The following HTT variants were observed in gnomAD, a reference collection of about 807,000 sequenced individuals.
HTT encodes the protein huntington disease protein.
HTT carries 104 observed loss-of-function variants against 362.3 expected under a neutral mutation model. The ratio of observed to expected loss-of-function variants is 0.29; its 90% CI spans 0.24 to 0.34. The LOEUF (loss-of-function observed/expected upper bound fraction) is 0.34. Among genes scored for constraint, HTT ranks in the 10% least tolerant of loss-of-function variants. The pLI, the probability that HTT is intolerant of heterozygous loss-of-function variation, is 1.00. For missense variants in HTT, 3,301 were observed against 3,928.6 expected (o/e 0.84, Z 4.27); for synonymous variants, 1,577 against 1,548.7 (o/e 1.02, Z -0.43).
At chr4:3,191,873 T>G (rs1719027425) in intron 40 of HTT, among the ~76,000 whole-genome samples, 1 of 152,218 alleles carries the variant, frequency 6.6e-6, no homozygotes, top group African/African-American at 2.4e-5. Context: ...ATGTGGTGAT[T>G]GTATTCAACA....
Position 3,228,572 on chromosome 4 carries a change from C to T in HTT, c.7849-43C>T. ...CCACACCCACCCACCAGGAGCCTGGCACTGTGGCCGCAGCACTGAGCAGTG... is the reference window on the plus strand; with the variant it reads ...CCACACCCACCCACCAGGAGCCTGGTACTGTGGCCGCAGCACTGAGCAGTG... On this transcript the variant is annotated intron_variant, in intron 57 of 66. Transcript: ENST00000355072. The surrounding 1 kb of genome is among the most constrained non-coding windows in gnomAD (Gnocchi z 4.3). The T allele has an allele frequency of 6.6e-7, 1 of 1,516,374 alleles. No individual in the cohort carries two copies. The allele number at this position is 1,516,374 out of a possible 1,614,324, so 93.9% of individuals were successfully genotyped here.
chr4:3,195,568 C>T (rs1719211568), intron 40 of HTT, among the ~76,000 whole-genome samples: 1 of 151,590 alleles, frequency 6.6e-6, no homozygotes. Flanking sequence ...TACTCGGGAC[C>T]CTAGGAAGGG....
chr4:3,240,781 C>T lies in HTT; in HGVS notation c.*722C>T, dbSNP rs1459424197. 1 of 152,868 alleles carries T rather than the reference C, an allele frequency of 6.5e-6. No individual in the cohort carries two copies. Among genetic ancestry groups the T allele is most frequent in the African/African-American group, 2.4e-5 (1 of 41,446 alleles). 9.5% of individuals were successfully genotyped at this position (152,868 alleles called of 1,614,324 possible). ...CTCCTGTAGCCACTGGCATAGCCCT[C>T]CTGAGCACCCGCTGACATTTCCGTT... On this transcript the variant is annotated 3_prime_UTR_variant, in exon 67 of 67. Transcript: ENST00000355072.
At chr4:3,129,816 T>C in intron 12 of HTT, 108 bp from the exon 13 acceptor site, 1 of 1,290,052 alleles carries the variant, frequency 7.8e-7, no homozygotes, top group East Asian at 2.3e-5. Flanking sequence ...AGTACATTTG[T>C]GTTCTGTGTG....
In HTT at chr4:3,157,108, C is replaced by A; in HGVS notation, c.3662C>A (p.Thr1221Lys). 6.2e-7 allele frequency: 1 copy of A among 1,612,542 alleles called. No homozygotes were observed. The highest frequency in any genetic ancestry group is 8.5e-7 in the Non-Finnish European group (1 of 1,179,002). The change falls in exon 28 of 67, where the codon ACA becomes AAA. Residue 1221 changes from threonine (T) to lysine (K), a missense_variant. Thr to Lys is a moderately conservative substitution (Grantham distance 78). Around this residue, in one of 4 missense-constraint regions of HTT, gnomAD observed 2,316 missense variants for 2,658.5 expected, o/e 0.87. Transcript: ENST00000355072. ...RQSDTSGPVT[T>K]SKSSSLGSFY... ...TCTGATACCTCAGGTCCTGTTACAA[C>A]AAGTAAATCCTCATCACTGGGGAGT...
chr4:3,074,742 G>A lies in HTT; in HGVS notation c.-84G>A, dbSNP rs201071630. On this transcript the variant is annotated 5_prime_UTR_variant, in exon 1 of 67. Coordinates refer to ENST00000355072, the MANE Select transcript of HTT (RefSeq NM_001388492.1). ...GTTCTGCTTTTACCTGCGGCCCAGAGCCCCATTCATTGCCCCGGTGCTGAG... is the reference window on the plus strand; with the variant it reads ...GTTCTGCTTTTACCTGCGGCCCAGAACCCCATTCATTGCCCCGGTGCTGAG... 403 of 1,402,536 alleles carry A rather than the reference G, an allele frequency of 2.9e-4. 4 individuals carry two copies. The East Asian group carries it at 6.5e-3, about 22-fold the overall frequency. The allele number at this position is 1,402,536 out of a possible 1,614,324, so 86.9% of individuals were successfully genotyped here. A position where few individuals can be genotyped will look rare whatever the true frequency, so the allele number is the denominator to read the frequency against.
intron 21 of HTT, among the ~76,000 whole-genome samples, chr4:3,137,366 T>C (rs1716118505): frequency 6.6e-6 from 1 of 152,206 alleles, no homozygotes; most frequent in South Asian, 2.1e-4. Context: ...CTCCGGTTCC[T>C]GCCCCAACTC....
chr4:3,074,948 G>GCCGCCGCCA lies in HTT; in HGVS notation c.131_132insACCGCCGCC (p.Pro47_Pro49dup). Reference sequence around the variant, plus strand: ...AGCAGCAGCAGCAACAGCCGCCACCGCCGCCGCCGCCGCCGCCGCCTCCTC... The same window carrying GCCGCCGCCA: ...AGCAGCAGCAGCAACAGCCGCCACCGCCGCCGCCACCGCCGCCGCCGCCGCCGCCTCCTC... On this transcript the variant is annotated inframe_insertion, in exon 1 of 67. Coordinates refer to ENST00000355072, the MANE Select transcript of HTT (RefSeq NM_001388492.1). The GCCGCCGCCA allele has an allele frequency of 7.1e-7, 1 of 1,400,606 alleles. No homozygotes were observed. The highest frequency in any genetic ancestry group is 3.1e-5 in the East Asian group (1 of 32,690). 86.8% of individuals were successfully genotyped at this position (1,400,606 alleles called of 1,614,324 possible).
chr4:3,154,219 T>C, intron 26 of HTT, 74 bp from the exon 27 acceptor site: 2 of 1,248,826 alleles, frequency 1.6e-6, no homozygotes, highest in Non-Finnish European at 2.2e-6. Context: ...CCAAATATTC[T>C]AATTTTCAGT....
chr4:3,235,543 A>C, intron 62 of HTT, 22 bp from the exon 63 acceptor site: 1 of 1,609,698 alleles, frequency 6.2e-7, no homozygotes, highest in Non-Finnish European at 8.5e-7. Context: ...TCTTTGACAC[A>C]GAGGCCTTTC....
At chr4:3,143,970 GA>G (rs1389980819) in intron 23 of HTT, among the ~76,000 whole-genome samples, 2 of 152,060 alleles carry the variant, frequency 1.3e-5, no homozygotes, top group African/African-American at 4.8e-5. Flanking sequence ...AAGAATCCAA[GA>G]ATAATTAAAT....
At chr4:3,180,320 G>T (rs1157544858) in intron 35 of HTT, among the ~76,000 whole-genome samples, 195 bp from the exon 36 acceptor site, 1 of 152,130 alleles carries the variant, frequency 6.6e-6, no homozygotes, top group Non-Finnish European at 1.5e-5. Flanking sequence ...ATCACAAAAT[G>T]ATCAGTGTTC....
At chr4:3,153,950 T>A (rs1277027051) in intron 26 of HTT, among the ~76,000 whole-genome samples, 1 of 152,152 alleles carries the variant, frequency 6.6e-6, no homozygotes, top group East Asian at 1.9e-4. Flanking sequence ...TGTACCCCTT[T>A]CATGTCATGG....
chr4:3,139,988 G>T (rs377309553), intron 21 of HTT, among the ~76,000 whole-genome samples: 14 of 152,176 alleles, frequency 9.2e-5, no homozygotes, highest in African/African-American at 2.7e-4. Flanking sequence ...GGGCGTGGGG[G>T]CTCACGCCTG....
chr4:3,135,787 T>G (rs1234107552), intron 19 of HTT, 117 bp from the exon 20 acceptor site: 1 of 610,666 alleles, frequency 1.6e-6, no homozygotes, highest in Non-Finnish European at 2.8e-6. Flanking sequence ...TTGTTTTGAG[T>G]AAGTGCTGCC....
chr4:3,089,249 G>A (rs1231004214), intron 2 of HTT, among the ~76,000 whole-genome samples: 2 of 151,860 alleles, frequency 1.3e-5, no homozygotes, highest in African/African-American at 2.4e-5. Context: ...AAAGCTATAT[G>A]TTATCTTTAC....
chr4:3,178,389 A>G lies in HTT; in HGVS notation c.4555A>G (p.Lys1519Glu), dbSNP rs761892994. ...TTCAAAACAGATCATTGGAATTCCT[A>G]AAATCATTCAGCTCTGTGATGGCAT... ...YHSKQIIGIP[K>E]IIQLCDGIMA... Residue 1519 changes from lysine to glutamate, a missense_variant, in exon 35 of 67, where the codon AAA becomes GAA. Physicochemically the swap from Lys to Glu is moderately conservative, Grantham distance 56. Around this residue, in one of 4 missense-constraint regions of HTT, gnomAD observed 2,316 missense variants for 2,658.5 expected, o/e 0.87. Transcript: ENST00000355072. 3 of 1,613,588 alleles carry G rather than the reference A, an allele frequency of 1.9e-6. No homozygotes were observed. The highest frequency in any genetic ancestry group is 3.3e-4 in the Middle Eastern group (2 of 6,060).
At chr4:3,100,184 G>A (rs1714082688) in intron 3 of HTT, among the ~76,000 whole-genome samples, 1 of 152,318 alleles carries the variant, frequency 6.6e-6, no homozygotes, top group East Asian at 1.9e-4. Context: ...CATAAAATGG[G>A]ATCAATGTTT....
In HTT at chr4:3,215,201, A is replaced by C; in HGVS notation, c.7044A>C (p.Pro2348=). Residue 2348 remains proline (P), a synonymous_variant, in exon 51 of 67, where the codon CCA becomes CCC. Transcript: ENST00000355072. ...GCGAGGAGGAGGAGGAAGTAGATCC[A>C]AACACACAGAGTAAGTCTCAGGACC... ...AISEEEEEVD[P]NTQNPKYITA... is the part of the protein sequence containing the mutation. 1 of 1,613,120 alleles carries C rather than the reference A, an allele frequency of 6.2e-7. No homozygotes were observed. Among genetic ancestry groups the C allele is most frequent in the Non-Finnish European group, 8.5e-7 (1 of 1,179,288 alleles).
Sources: allele counts gnomAD v4.1 joint callset (sites outside exome capture counted in the v4.1 genomes callset), GRCh38; gene constraint gnomAD v4.1.1; regional missense constraint gnomAD v4.1.1; non-coding constraint Gnocchi (gnomAD v3.1); transcripts MANE v1.5; gene names NCBI Gene and HGNC (gene_info 2026-07-23, HGNC 2026-07-21).